CFAP221: variants seen among roughly 807,000 people sequenced by gnomAD.
CFAP221 encodes the protein cilia and flagella associated protein 221, also known as cilia- and flagella-associated protein 221.
Under a neutral mutation model 113.1 loss-of-function variants are expected in CFAP221, and 97 were observed. The observed-to-expected ratio is 0.86, with a 90% CI of 0.73 to 1.02. The LOEUF (loss-of-function observed/expected upper bound fraction) is 1.02, where lower values mean the gene tolerates loss of function less well. CFAP221 is among the 50% of genes least tolerant of loss of function. CFAP221 has a pLI of 0.00. For missense variants in CFAP221, 1,025 were observed against 1,013.4 expected, an observed-to-expected ratio of 1.01 and a Z score of -0.16; for synonymous variants, 331 against 354.4, an observed-to-expected ratio of 0.93 and a Z score of 0.74.
intron 12 of CFAP221, among the ~76,000 whole-genome samples, chr2:119,610,204 C>T (rs1685055002): frequency 6.6e-6 from 1 of 152,150 alleles, no homozygotes; most frequent in South Asian, 2.1e-4. Context: ...TAGCATGGCT[C>T]CTGGGGCAAG....
intron 7 of CFAP221, among the ~76,000 whole-genome samples, chr2:119,598,751 C>A (rs766626145): frequency 6.6e-6 from 1 of 152,180 alleles, no homozygotes; most frequent in Non-Finnish European, 1.5e-5. Flanking sequence ...AACTGGCATC[C>A]CTGTTAATGG....
In CFAP221 at chr2:119,656,342, T is replaced by G; in HGVS notation, c.2415-20T>G. ...TATTAAGTGTCCTCATGTTTCCTTC[T>G]TGGGTTTTTTGATACTCAGAGAAGT... On this transcript the variant is annotated intron_variant, in intron 23 of 23. Transcript: ENST00000413369. 2 of 1,606,208 alleles carry G rather than the reference T, an allele frequency of 1.2e-6. No homozygotes were observed. The highest frequency in any genetic ancestry group is 1.7e-6 in the Non-Finnish European group (2 of 1,172,766).
intron 23 of CFAP221, among the ~76,000 whole-genome samples, chr2:119,653,712 T>C (rs999107788): frequency 7.2e-5 from 11 of 152,202 alleles, no homozygotes; most frequent in Admixed American, 7.2e-4. Context: ...TTAATATATA[T>C]TGCTTAATGA....
rs371548429 is a variant in CFAP221 at position 119,646,994 on chromosome 2, C to T, written c.2262C>T (p.Asp754=). ...DSFNSFMLPI[D]VPAILDALPE... ...TCAATTCATTTATGCTTCCGATAGA[C>T]GTCCCTGCCATCCTTGATGCCTTAC... Residue 754 remains aspartate, a synonymous_variant, in exon 22 of 24, where the codon GAC becomes GAT. Transcript: ENST00000413369. The T allele has an allele frequency of 3.5e-5, 56 of 1,613,742 alleles. No individual in the cohort carries two copies. In the Middle Eastern group the frequency reaches 6.6e-4, roughly 19 times the overall value.
chr2:119,646,431 A>C, intron 21 of CFAP221, among the ~76,000 whole-genome samples: 1 of 152,158 alleles, frequency 6.6e-6, no homozygotes. Context: ...TGGCCAGAGC[A>C]GGAGGAAGAG....
chr2:119,646,952 C>T lies in CFAP221; in HGVS notation c.2226-6C>T, dbSNP rs1462204503. 3 of 1,611,740 alleles carry T rather than the reference C, an allele frequency of 1.9e-6. No homozygotes were observed. In the South Asian group the frequency reaches 3.3e-5, roughly 18 times the overall value. On this transcript the variant is annotated splice_region_variant and splice_polypyrimidine_tract_variant and intron_variant, in intron 21 of 23. Coordinates refer to ENST00000413369, the MANE Select transcript of CFAP221 (RefSeq NM_001271049.2). ...ATCTTTGACTGCTTGTGTGGTTTTT[C>T]CACAGCTGCGATTCCTTCAATTCAT... is the stretch of plus-strand genomic sequence containing the variant.
At chr2:119,578,546 T>C (rs1287407376) in intron 6 of CFAP221, among the ~76,000 whole-genome samples, 1 of 152,256 alleles carries the variant, frequency 6.6e-6, no homozygotes, top group Non-Finnish European at 1.5e-5. Context: ...ACTGGGCCTA[T>C]TAACTCCAAG....
intron 7 of CFAP221, 129 bp downstream of exon 7, chr2:119,587,351 C>T: frequency 1.9e-6 from 1 of 517,352 alleles, no homozygotes; most frequent in Non-Finnish European, 3.2e-6. Context: ...TTGGACACGT[C>T]AGAATAACGA....
intron 12 of CFAP221, among the ~76,000 whole-genome samples, chr2:119,611,437 AAAAG>A (rs1222452220): frequency 9.2e-5 from 14 of 151,384 alleles, no homozygotes; most frequent in Non-Finnish European, 1.6e-4. Context: ...AAAAAAAAAA[AAAAG>A]GAGGTATCGA....
intron 7 of CFAP221, among the ~76,000 whole-genome samples, chr2:119,598,421 A>G (rs1218255227): frequency 6.6e-6 from 1 of 152,176 alleles, no homozygotes; most frequent in Non-Finnish European, 1.5e-5. Context: ...TACCCATCGT[A>G]TTGATAAACT....
chr2:119,577,333 A>T (rs1037870363), intron 6 of CFAP221, among the ~76,000 whole-genome samples: 2 of 152,254 alleles, frequency 1.3e-5, no homozygotes, highest in Non-Finnish European at 2.9e-5. Flanking sequence ...ATGAATTTTG[A>T]GGAGACACAA....
At chr2:119,644,847 G>A (rs1465058280) in intron 21 of CFAP221, among the ~76,000 whole-genome samples, 2 of 151,986 alleles carry the variant, frequency 1.3e-5, no homozygotes, top group African/African-American at 4.8e-5. Flanking sequence ...TTCCATATTT[G>A]TATCTCCCTT....
At chr2:119,569,046 G>A (rs1017263870) in intron 6 of CFAP221, among the ~76,000 whole-genome samples, 4 of 151,746 alleles carry the variant, frequency 2.6e-5, no homozygotes, top group Non-Finnish European at 5.9e-5. Flanking sequence ...TTGCTTCCAT[G>A]GTTTCTGAGG....
intron 7 of CFAP221, among the ~76,000 whole-genome samples, chr2:119,599,869 G>T (rs1253404072): frequency 6.6e-6 from 1 of 152,142 alleles, no homozygotes; most frequent in Non-Finnish European, 1.5e-5. Context: ...AACAGTGCCT[G>T]GCACACTTAT....
chr2:119,545,685 G>A (rs1680001965), intron 1 of CFAP221, among the ~76,000 whole-genome samples: 1 of 152,160 alleles, frequency 6.6e-6, no homozygotes, highest in South Asian at 2.1e-4. Context: ...AACTCATTTG[G>A]AGAAATCTCT....
At chr2:119,660,218 G>C (rs778953425), downstream of CFAP221, 1 of 152,188 alleles carries the variant, frequency 6.6e-6, no homozygotes, top group Non-Finnish European at 1.5e-5. Context: ...CTGTGTTGGG[G>C]ATCTGGTGCC....
intron 22 of CFAP221, among the ~76,000 whole-genome samples, chr2:119,649,227 A>G (rs935836712): frequency 6.6e-6 from 1 of 152,200 alleles, no homozygotes; most frequent in Admixed American, 6.5e-5. Flanking sequence ...GGTTTGACTT[A>G]TGATTTTTCA....
chr2:119,611,639 G>A lies in CFAP221; in HGVS notation c.1222-14G>A. ...TATATTCAACTTAAATTATTTTGAT[G>A]ATTAAAAACCCAGCTAGACAGAGGA... is the stretch of plus-strand genomic sequence containing the variant. On this transcript the variant is annotated splice_polypyrimidine_tract_variant and intron_variant, in intron 12 of 23. Coordinates refer to ENST00000413369, the MANE Select transcript of CFAP221 (RefSeq NM_001271049.2). 3 of 1,592,362 alleles carry A rather than the reference G, an allele frequency of 1.9e-6. No homozygotes were observed. Among genetic ancestry groups the A allele is most frequent in the Non-Finnish European group, 2.6e-6 (3 of 1,171,494 alleles).
intron 6 of CFAP221, among the ~76,000 whole-genome samples, chr2:119,564,514 T>C (rs1681484771): frequency 6.6e-6 from 1 of 152,224 alleles, no homozygotes; most frequent in Non-Finnish European, 1.5e-5. Context: ...TTCTGAATCT[T>C]GTAATAACCA....
Sources: gnomAD v4.1 joint callset for allele counts (sites outside exome capture counted in the v4.1 genomes callset) on GRCh38, gnomAD v4.1.1 for gene constraint, MANE v1.5 for transcripts, NCBI Gene and HGNC (gene_info 2026-07-23, HGNC 2026-07-21) for gene names.